MBOAT1: variants seen among roughly 807,000 people sequenced by gnomAD.
MBOAT1 encodes the protein membrane bound glycerophospholipid O-acyltransferase 1, also known as membrane-bound glycerophospholipid O-acyltransferase 1.
Under a neutral mutation model 64.4 loss-of-function variants are expected in MBOAT1, and 67 were observed. The observed-to-expected ratio is 1.04, with a 90% CI of 0.85 to 1.27. The LOEUF is 1.27. Among genes scored for constraint, MBOAT1 ranks in the 50% most tolerant of loss-of-function variants. The probability of loss-of-function intolerance (pLI) is 0.00; values close to 1 mark genes in which losing one functional copy is unlikely to be tolerated. For synonymous variants in MBOAT1, 229 were observed against 218.9 expected (o/e 1.05, Z -0.41); for missense variants, 563 against 604.6 (o/e 0.93, Z 0.72).
intron 1 of MBOAT1, 35 bp downstream of exon 1, chr6:20,212,101 G>T (rs1763446255): frequency 6.3e-7 from 1 of 1,596,362 alleles, no homozygotes; most frequent in South Asian, 1.1e-5. Flanking sequence ...GATCGCTGGG[G>T]AGCTGGGGTC....
chr6:20,142,240 C>T (rs1761199678), intron 4 of MBOAT1, among the ~76,000 whole-genome samples: 1 of 152,076 alleles, frequency 6.6e-6, no homozygotes, highest in Admixed American at 6.6e-5. Flanking sequence ...GTATTTAATG[C>T]ATTCATTTCT....
intron 5 of MBOAT1, among the ~76,000 whole-genome samples, chr6:20,130,464 C>T (rs1409471254): frequency 1.3e-5 from 2 of 152,138 alleles, no homozygotes; most frequent in African/African-American, 2.4e-5. Context: ...AGCGATTCTC[C>T]TGCCTCAGCC....
intron 8 of MBOAT1, among the ~76,000 whole-genome samples, chr6:20,123,042 C>T (rs1314584047): frequency 1.3e-5 from 2 of 152,098 alleles, no homozygotes; most frequent in East Asian, 1.9e-4. Flanking sequence ...GTTGGGCAGG[C>T]TGGTCTTGAA....
At chr6:20,108,535 T>C (rs143659158) in intron 12 of MBOAT1, among the ~76,000 whole-genome samples, 357 of 152,340 alleles carry the variant, frequency 2.3e-3, no homozygotes, top group Admixed American at 5.7e-3. Context: ...ATCCCACTTA[T>C]AGACACTGAT....
intron 1 of MBOAT1, among the ~76,000 whole-genome samples, chr6:20,163,094 GA>G (rs1761909446): frequency 6.6e-6 from 1 of 152,176 alleles, no homozygotes. Flanking sequence ...CTAAAAGGTG[GA>G]AAACGATTGT....
chr6:20,193,603 C>CTT (rs1321754258), intron 1 of MBOAT1, among the ~76,000 whole-genome samples: 1 of 144,102 alleles, frequency 6.9e-6, no homozygotes, highest in African/African-American at 2.7e-5. Context: ...AACCAAAAAT[C>CTT]CTTTTTTTTT....
At chr6:20,108,172 T>C (rs180721227) in intron 12 of MBOAT1, among the ~76,000 whole-genome samples, 1 of 152,216 alleles carries the variant, frequency 6.6e-6, no homozygotes, top group Admixed American at 6.5e-5. Flanking sequence ...GTCTAATTAA[T>C]TAAAATTCAA....
At chr6:20,127,596 G>A (rs549820464) in intron 6 of MBOAT1, among the ~76,000 whole-genome samples, 7 of 152,236 alleles carry the variant, frequency 4.6e-5, no homozygotes, top group Admixed American at 1.3e-4. Context: ...ATGGTGAACC[G>A]TGCATGCCAG....
chr6:20,118,835 G>A (rs746876521), intron 8 of MBOAT1, among the ~76,000 whole-genome samples: 34 of 152,112 alleles, frequency 2.2e-4, no homozygotes, highest in Non-Finnish European at 3.2e-4. Flanking sequence ...AACAAGAAAC[G>A]AAGAACCGAA....
At position 20,131,145 on chromosome 6, in the gene MBOAT1, A is replaced by C. The variant is rs774806715; in HGVS notation, c.474T>G (p.Asp158Glu). 6.2e-7 allele frequency: 1 copy of C among 1,613,698 alleles called. No individual in the cohort carries two copies. The highest frequency in any genetic ancestry group is 8.5e-7 in the Non-Finnish European group (1 of 1,179,604). The change falls in exon 5 of 13, where the codon GAT becomes GAG. Residue 158 changes from aspartate to glutamate, a missense_variant and splice_region_variant. Transcript: ENST00000324607. ...CAAAAGGAGGGCTGCTGTTCTTACC[A>C]TCATGAACCTGGAATGCCAAGGTTG... Reference protein sequence around the residue: ...KITTLAFQVHDGLGRRAEDLS... With the variant: ...KITTLAFQVHEGLGRRAEDLS...
rs67093680 is a variant in MBOAT1, at chr6:20,152,339, TAAAA to T, written c.245+281_245+284del. ...GAGACTCCGTCTCAAAAAAAAAAAA[TAAAA>T]AATAAATAAATAAATAAATAAATTA... On this transcript the variant is annotated intron_variant, in intron 2 of 12. Transcript: ENST00000324607. Among the ~76,000 whole-genome samples, 43 of 136,068 alleles carry T rather than the reference TAAAA, an allele frequency of 3.2e-4. 1 individual carries two copies. In the East Asian group the frequency reaches 8.2e-3, roughly 26 times the overall value. 89.3% of individuals were successfully genotyped at this position (136,068 alleles called of 152,430 possible). A position where few individuals can be genotyped will look rare whatever the true frequency, so the allele number is the denominator to read the frequency against.
intron 1 of MBOAT1, among the ~76,000 whole-genome samples, chr6:20,177,873 C>A (rs1180782192): frequency 6.6e-6 from 1 of 151,908 alleles, no homozygotes; most frequent in Non-Finnish European, 1.5e-5. Flanking sequence ...ACTTTTGTCT[C>A]TTTCCCCAAA....
intron 1 of MBOAT1, among the ~76,000 whole-genome samples, chr6:20,188,363 T>C (rs752237117): frequency 3.3e-5 from 5 of 152,114 alleles, no homozygotes; most frequent in Non-Finnish European, 5.9e-5. Context: ...AAATCCTGCT[T>C]CCTCCTGAAG....
intron 8 of MBOAT1, among the ~76,000 whole-genome samples, chr6:20,118,808 A>G (rs1295610670): frequency 1.3e-5 from 2 of 152,236 alleles, no homozygotes; most frequent in African/African-American, 2.4e-5. Flanking sequence ...TGTCCATAGA[A>G]TGCAGAAATG....
chr6:20,186,419 G>A (rs1762655180), intron 1 of MBOAT1, among the ~76,000 whole-genome samples: 1 of 152,160 alleles, frequency 6.6e-6, no homozygotes, highest in African/African-American at 2.4e-5. Flanking sequence ...ATGTGCCCTG[G>A]GTGTTGTCAC....
chr6:20,128,275 CCTAT>C (rs1658938644), intron 6 of MBOAT1, among the ~76,000 whole-genome samples: 2 of 152,156 alleles, frequency 1.3e-5, no homozygotes, highest in African/African-American at 4.8e-5. Context: ...TGCCCTACTT[CCTAT>C]CTTTTTTCAG....
chr6:20,144,764 C>T (rs532146624), intron 3 of MBOAT1, among the ~76,000 whole-genome samples: 1 of 152,218 alleles, frequency 6.6e-6, no homozygotes, highest in Non-Finnish European at 1.5e-5. Flanking sequence ...TCTTTAAACA[C>T]TTTATTCTCT....
At chr6:20,123,625 C>G (rs1452242467) in intron 8 of MBOAT1, among the ~76,000 whole-genome samples, 1 of 151,578 alleles carries the variant, frequency 6.6e-6, no homozygotes, top group Non-Finnish European at 1.5e-5. Context: ...AAAAAAATCA[C>G]TTGAAGTCAG....
At chr6:20,128,847 A>C (rs969024983) in intron 5 of MBOAT1, 94 bp from the exon 6 acceptor site, 1 of 872,604 alleles carries the variant, frequency 1.1e-6, no homozygotes, top group Admixed American at 2.9e-5. Context: ...TGAACCAGGT[A>C]ATCTTTGTTT....
Sources: allele counts gnomAD v4.1 joint callset (sites outside exome capture counted in the v4.1 genomes callset), GRCh38; gene constraint gnomAD v4.1.1; transcripts MANE v1.5; gene names NCBI Gene and HGNC (gene_info 2026-07-23, HGNC 2026-07-21).